The following CPQ variants were observed in gnomAD, a reference collection of about 807,000 sequenced individuals.
The protein encoded by CPQ is carboxypeptidase Q, also known as Ser-Met dipeptidase.
In CPQ, 37 loss-of-function variants were observed where a neutral mutation model predicts 45.7. The observed-to-expected ratio is 0.81, with a 90% CI of 0.62 to 1.07. The LOEUF (loss-of-function observed/expected upper bound fraction) is 1.07, where lower values mean the gene tolerates loss of function less well. Among genes scored for constraint, CPQ ranks in the 50% least tolerant of loss-of-function variants. CPQ has a pLI of 0.00. For synonymous variants in CPQ, 186 were observed against 205.8 expected (o/e 0.90, Z 0.82); for missense variants, 537 against 572.9 (o/e 0.94, Z 0.64).
chr8:96,801,403 T>G (rs1255261560), intron 2 of CPQ, among the ~76,000 whole-genome samples: 1 of 152,230 alleles, frequency 6.6e-6, no homozygotes, highest in African/African-American at 2.4e-5. Context: ...TCAATGCTTA[T>G]CCAGTTCCCT....
intron 3 of CPQ, among the ~76,000 whole-genome samples, chr8:96,877,670 T>C (rs1812164768): frequency 1.3e-5 from 2 of 152,370 alleles, no homozygotes; most frequent in South Asian, 4.1e-4. Flanking sequence ...AAATCCTTTA[T>C]GTATACTATC....
At chr8:96,926,134 C>T (rs1266948126) in intron 4 of CPQ, among the ~76,000 whole-genome samples, 4 of 152,258 alleles carry the variant, frequency 2.6e-5, no homozygotes, top group East Asian at 3.9e-4. Context: ...TTGTAATTGG[C>T]CTAGTATTCT....
In CPQ at chr8:96,814,958, A is replaced by G. The variant is rs577383247; in HGVS notation, c.434-20015A>G. 2.6e-5 allele frequency among the ~76,000 whole-genome samples: 4 copies of G among 152,284 alleles called. No homozygotes were observed. In the East Asian group the frequency reaches 7.7e-4, roughly 29 times the overall value. ...TAAAATGTATAGAATAGGCAAAGAC[A>G]TGGAAATAGAAAGTACATTGGTAGT... On this transcript the variant is annotated intron_variant, in intron 2 of 7. Transcript: ENST00000220763.
intron 6 of CPQ, among the ~76,000 whole-genome samples, chr8:97,047,707 T>G (rs1472556162): frequency 6.6e-6 from 1 of 152,242 alleles, no homozygotes; most frequent in Non-Finnish European, 1.5e-5. Context: ...TGGGGCATTT[T>G]CTAGGTAAAG....
chr8:97,049,579 T>A (rs894078935), intron 6 of CPQ, among the ~76,000 whole-genome samples: 4 of 152,334 alleles, frequency 2.6e-5, no homozygotes, highest in African/African-American at 9.6e-5. Context: ...GGAAACTCAA[T>A]AGTGACACAT....
rs890816996 is a variant in CPQ at position 97,039,245 on chromosome 8, T to C, written c.1053+9751T>C. Among the ~76,000 whole-genome samples the C allele has an allele frequency of 2.6e-5, 4 of 152,204 alleles. No homozygotes were observed. The South Asian group carries it at 6.2e-4, about 24-fold the overall frequency. ...GCAAGAACAGAACCCTTTATAAAGA[T>C]AGCTAAATGTGTACTGGAAAATATA... On this transcript the variant is annotated intron_variant, in intron 6 of 7. Transcript: ENST00000220763.
chr8:97,137,614 G>C (rs1563591917), intron 7 of CPQ, among the ~76,000 whole-genome samples: 1 of 152,174 alleles, frequency 6.6e-6, no homozygotes, highest in Non-Finnish European at 1.5e-5. Context: ...TCTCCCCTGG[G>C]TGTGCTGTGA....
intron 3 of CPQ, among the ~76,000 whole-genome samples, chr8:96,866,414 T>C (rs185079349): frequency 6.6e-6 from 1 of 152,206 alleles, no homozygotes; most frequent in East Asian, 1.9e-4. Context: ...CTTTAGATTA[T>C]GTAATATTCT....
chr8:97,126,237 C>T (rs1162388861), intron 7 of CPQ, among the ~76,000 whole-genome samples: 1 of 152,130 alleles, frequency 6.6e-6, no homozygotes, highest in African/African-American at 2.4e-5. Context: ...GCACTTGTAC[C>T]CACTAACCCT....
intron 7 of CPQ, among the ~76,000 whole-genome samples, chr8:97,122,921 A>T (rs201799362): frequency 1.3e-5 from 1 of 76,770 alleles, no homozygotes; most frequent in Non-Finnish European, 2.1e-5. Flanking sequence ...ATAAAATAAA[A>T]TAAAATAAAT....
intron 4 of CPQ, among the ~76,000 whole-genome samples, chr8:96,926,200 C>T (rs896484016): frequency 2.6e-5 from 4 of 152,200 alleles, no homozygotes; most frequent in African/African-American, 9.7e-5. Context: ...TTCCAAGATA[C>T]CTCTGACAGC....
chr8:96,823,737 A>C (rs1811340233), intron 2 of CPQ, among the ~76,000 whole-genome samples: 1 of 152,036 alleles, frequency 6.6e-6, no homozygotes, highest in Non-Finnish European at 1.5e-5. Flanking sequence ...AAAAGTGCCT[A>C]CATTATAGGG....
chr8:97,019,829 T>G (rs1216238200), intron 5 of CPQ, among the ~76,000 whole-genome samples: 1 of 151,950 alleles, frequency 6.6e-6, no homozygotes, highest in Non-Finnish European at 1.5e-5. Flanking sequence ...ACACAGAAAG[T>G]CAACAAAGAA....
At chr8:96,854,530 C>CAAAAAAAAAAAAAAAAAAAAAAAAAA (rs1156706371) in intron 3 of CPQ, among the ~76,000 whole-genome samples, 1 of 8,696 alleles carries the variant, frequency 1.1e-4, no homozygotes, top group Non-Finnish European at 4.0e-4. Context: ...GACTCCGTCT[C>CAAAAAAAAAAAAAAAAAAAAAAAAAA]AAAAAAAAAA....
chr8:96,765,397 A>T (rs1227865879), intron 1 of CPQ, among the ~76,000 whole-genome samples: 1 of 152,112 alleles, frequency 6.6e-6, no homozygotes, highest in Non-Finnish European at 1.5e-5. Flanking sequence ...CATCTTAAAC[A>T]TTTTGAAGTT....
At chr8:96,740,693 A>G (rs1432219144) in intron 1 of CPQ, among the ~76,000 whole-genome samples, 1 of 152,020 alleles carries the variant, frequency 6.6e-6, no homozygotes, top group Non-Finnish European at 1.5e-5. Context: ...ATTTTGTCAA[A>G]GGCCTTTTAT....
intron 7 of CPQ, among the ~76,000 whole-genome samples, chr8:97,107,569 G>T (rs928762891): frequency 4.0e-5 from 6 of 151,302 alleles, no homozygotes; most frequent in Admixed American, 1.3e-4. Context: ...CCCTGTAAGG[G>T]GCTAAGGACC....
chr8:97,085,147 G>A (rs1181295688), intron 7 of CPQ, among the ~76,000 whole-genome samples: 1 of 151,996 alleles, frequency 6.6e-6, no homozygotes, highest in Non-Finnish European at 1.5e-5. Flanking sequence ...AATTTGAGAG[G>A]CTGATGAGGG....
intron 6 of CPQ, among the ~76,000 whole-genome samples, chr8:97,041,700 G>A (rs1184950470): frequency 6.6e-6 from 1 of 152,168 alleles, no homozygotes; most frequent in Admixed American, 6.5e-5. Context: ...ATGGAGGGTT[G>A]TTGAATTTTG....
Sources: allele counts gnomAD v4.1 joint callset (sites outside exome capture counted in the v4.1 genomes callset), GRCh38; gene constraint gnomAD v4.1.1; transcripts MANE v1.5; gene names NCBI Gene and HGNC (gene_info 2026-07-23, HGNC 2026-07-21).